Variants in EPHA6 observed in about 807,000 individuals in gnomAD.
EPHA6 encodes ephrin type-A receptor 6.
EPHA6 carries 50 observed loss-of-function variants against 112.0 expected under a neutral mutation model. The ratio of observed to expected loss-of-function variants is 0.45; its 90% confidence interval spans 0.36 to 0.56. The LOEUF is 0.56. Ranked by LOEUF, EPHA6 falls within the 20% of genes least tolerant of loss-of-function variation. The pLI, the probability that EPHA6 is intolerant of heterozygous loss-of-function variation, is 0.00. For missense variants in EPHA6, 1,280 were observed against 1,417.4 expected, an observed-to-expected ratio of 0.90 and a Z score of 1.56; for synonymous variants, 529 against 490.7, an observed-to-expected ratio of 1.08 and a Z score of -1.03.
At chr3:97,639,696 C>T (rs1436779507) in intron 14 of EPHA6, among the ~76,000 whole-genome samples, 1 of 152,104 alleles carries the variant, frequency 6.6e-6, no homozygotes, top group African/African-American at 2.4e-5. Flanking sequence ...AATTTTTATG[C>T]ATACGTAAGT....
intron 3 of EPHA6, among the ~76,000 whole-genome samples, chr3:97,021,622 T>TA (rs1396614766): frequency 1.3e-5 from 2 of 152,234 alleles, no homozygotes; most frequent in Non-Finnish European, 2.9e-5. Flanking sequence ...TGCTCTTCCT[T>TA]ACTTGCAGAA....
chr3:97,240,301 C>T (rs376152146), intron 4 of EPHA6, among the ~76,000 whole-genome samples: 9 of 151,892 alleles, frequency 5.9e-5, no homozygotes, highest in East Asian at 1.9e-4. Flanking sequence ...TAGCATAGAA[C>T]TATTTTTCTC....
intron 5 of EPHA6, among the ~76,000 whole-genome samples, chr3:97,397,339 A>G (rs1447659368): frequency 6.6e-6 from 1 of 151,518 alleles, no homozygotes; most frequent in African/African-American, 2.4e-5. Context: ...TCTGCTTTTT[A>G]TTCATTACTT....
chr3:97,544,504 C>T (rs1488776800), intron 11 of EPHA6, among the ~76,000 whole-genome samples: 5 of 152,254 alleles, frequency 3.3e-5, no homozygotes, highest in East Asian at 1.9e-4. Flanking sequence ...CAGTATTTTA[C>T]TGAGGATTTT....
intron 5 of EPHA6, among the ~76,000 whole-genome samples, chr3:97,318,764 ATAAC>A (rs2081965090): frequency 6.6e-6 from 1 of 151,984 alleles, no homozygotes. Context: ...TATAAATATT[ATAAC>A]TAACAGATGG....
At chr3:97,487,421 T>C (rs2091724007) in intron 10 of EPHA6, among the ~76,000 whole-genome samples, 2 of 152,112 alleles carry the variant, frequency 1.3e-5, no homozygotes, top group South Asian at 4.1e-4. Context: ...CACTGAACAA[T>C]GTTTGTTAGA....
At chr3:97,384,004 A>G (rs2085906006) in intron 5 of EPHA6, among the ~76,000 whole-genome samples, 2 of 152,152 alleles carry the variant, frequency 1.3e-5, no homozygotes, top group Admixed American at 6.6e-5. Flanking sequence ...TGAAGAAATA[A>G]ATTGTTTTCT....
At chr3:96,912,700 G>A (rs1017177146) in intron 2 of EPHA6, among the ~76,000 whole-genome samples, 19 of 152,192 alleles carry the variant, frequency 1.2e-4, no homozygotes, top group Admixed American at 3.3e-4. Context: ...CAGTCTTCCT[G>A]CCTTAGCCTT....
chr3:96,962,326 T>C (rs778628848), intron 2 of EPHA6, among the ~76,000 whole-genome samples: 23 of 151,842 alleles, frequency 1.5e-4, no homozygotes, highest in Non-Finnish European at 1.5e-5. Context: ...TGATATTCTC[T>C]AAAGCAGAAA....
At chr3:96,993,806 T>A (rs2043306175) in intron 3 of EPHA6, among the ~76,000 whole-genome samples, 1 of 152,172 alleles carries the variant, frequency 6.6e-6, no homozygotes. Flanking sequence ...CTTTTAGAGA[T>A]GATAAACAGG....
rs186282097 is a variant in EPHA6 at position 97,758,562 on chromosome 3, C to T, written c.*9861C>T. On this transcript the variant is annotated 3_prime_UTR_variant, in exon 18 of 18. Transcript: ENST00000389672. ...CACTGAGGATACATGGTGACCAAGA[C>T]AAGCAAAGTCCCTGTCTCATGGAAT... Among the ~76,000 whole-genome samples, 7 of 151,996 alleles carry T rather than the reference C, an allele frequency of 4.6e-5. No homozygotes were observed. The highest frequency in any genetic ancestry group is 1.7e-4 in the African/African-American group (7 of 41,504).
At chr3:96,988,210 A>G (rs551965142) in intron 3 of EPHA6, among the ~76,000 whole-genome samples, 1 of 152,282 alleles carries the variant, frequency 6.6e-6, no homozygotes, top group African/African-American at 2.4e-5. Context: ...TAAATATTAT[A>G]CATTTATTTC....
chr3:97,044,714 G>A (rs550247370), intron 3 of EPHA6, among the ~76,000 whole-genome samples: 70 of 146,492 alleles, frequency 4.8e-4, no homozygotes, highest in African/African-American at 1.7e-3. Flanking sequence ...TATGTTCTAG[G>A]AAAAAAAAAA....
chr3:97,392,868 G>T (rs922784522), intron 5 of EPHA6, among the ~76,000 whole-genome samples: 1 of 151,180 alleles, frequency 6.6e-6, no homozygotes, highest in East Asian at 1.9e-4. Context: ...ACTTTTTGTT[G>T]AGGAAATCAG....
chr3:97,587,017 C>T (rs1031749974), intron 11 of EPHA6, among the ~76,000 whole-genome samples: 7 of 152,114 alleles, frequency 4.6e-5, no homozygotes, highest in South Asian at 4.2e-4. Context: ...CCGAGGTGGG[C>T]GGATCACCTG....
At chr3:96,822,040 C>A (rs2033299311) in intron 1 of EPHA6, among the ~76,000 whole-genome samples, 1 of 151,770 alleles carries the variant, frequency 6.6e-6, no homozygotes, top group African/African-American at 2.4e-5. Context: ...TTGCTGTGTA[C>A]CATATGTGTT....
intron 7 of EPHA6, among the ~76,000 whole-genome samples, chr3:97,474,987 G>T (rs939975324): frequency 3.9e-5 from 6 of 152,016 alleles, no homozygotes; most frequent in African/African-American, 1.4e-4. Flanking sequence ...TGGTCTATTG[G>T]CCAGTGTTTA....
chr3:97,133,165 G>C (rs1162951759), intron 3 of EPHA6, among the ~76,000 whole-genome samples: 1 of 152,034 alleles, frequency 6.6e-6, no homozygotes, highest in Non-Finnish European at 1.5e-5. Context: ...GACATCCTAT[G>C]AGAGTGAGCA....
chr3:97,700,131 T>TA lies in EPHA6; in HGVS notation c.2785-20128dup, dbSNP rs532999637. Among the ~76,000 whole-genome samples, 28 of 152,350 alleles carry TA rather than the reference T, an allele frequency of 1.8e-4. No homozygotes were observed. The East Asian group carries it at 5.2e-3, about 28-fold the overall frequency. Reference sequence around the variant, plus strand: ...CACAGCAATTAAGAGATGTGTTCGCTAACCATGAAGAACTTCTCCAAATGA... The same window carrying TA: ...CACAGCAATTAAGAGATGTGTTCGCTAAACCATGAAGAACTTCTCCAAATGA... On this transcript the variant is annotated intron_variant, in intron 14 of 17. Transcript: ENST00000389672.
Sources: gnomAD v4.1 joint callset for allele counts (sites outside exome capture counted in the v4.1 genomes callset) on GRCh38, gnomAD v4.1.1 for gene constraint, MANE v1.5 for transcripts, NCBI Gene and HGNC (gene_info 2026-07-23, HGNC 2026-07-21) for gene names.